ZCCHC7: variants seen among roughly 807,000 people sequenced by gnomAD.
The protein encoded by ZCCHC7 is zinc finger CCHC domain-containing protein 7.
Under a neutral mutation model 52.0 loss-of-function variants are expected in ZCCHC7, and 35 were observed. The observed-to-expected ratio is 0.67, with a 90% CI of 0.51 to 0.89. ZCCHC7 has a LOEUF of 0.89. Ranked by LOEUF, ZCCHC7 falls within the 40% of genes least tolerant of loss-of-function variation. The pLI, the probability that ZCCHC7 is intolerant of heterozygous loss-of-function variation, is 0.00. For missense variants in ZCCHC7, 574 were observed against 649.1 expected, an observed-to-expected ratio of 0.88 and a Z score of 1.26; for synonymous variants, 217 against 221.5, an observed-to-expected ratio of 0.98 and a Z score of 0.18.
chr9:37,355,504 C>G (rs1821641477), intron 8 of ZCCHC7, among the ~76,000 whole-genome samples: 1 of 152,112 alleles, frequency 6.6e-6, no homozygotes, highest in Non-Finnish European at 1.5e-5. Context: ...ATTCTTAGTT[C>G]AGGACCTTTC....
intron 2 of ZCCHC7, among the ~76,000 whole-genome samples, chr9:37,275,470 C>T (rs1827641477): frequency 6.6e-6 from 1 of 151,906 alleles, no homozygotes; most frequent in Admixed American, 6.5e-5. Flanking sequence ...TGTGACTATA[C>T]CAGAGTTTAT....
chr9:37,126,710 T>C lies in ZCCHC7; in HGVS notation c.378T>C (p.Asn126=), dbSNP rs1314079718. 1 of 1,614,144 alleles carries C rather than the reference T, an allele frequency of 6.2e-7. No homozygotes were observed. Among genetic ancestry groups the C allele is most frequent in the Admixed American group, 1.7e-5 (1 of 60,026 alleles). ...GTCTTTCTTCTTCTCTTCAATCTAA[T>C]GAGCTGGTTGATAAGAAATGCAAGA... is the stretch of plus-strand genomic sequence containing the variant. ...AHGLSSSLQS[N]ELVDKKCKSD... is the part of the protein sequence containing the mutation. Residue 126 remains asparagine, a synonymous_variant, in exon 2 of 9, where the codon AAT becomes AAC. Transcript: ENST00000336755.
At chr9:37,280,744 C>G (rs907856650) in intron 2 of ZCCHC7, among the ~76,000 whole-genome samples, 1 of 151,870 alleles carries the variant, frequency 6.6e-6, no homozygotes, top group African/African-American at 2.4e-5. Flanking sequence ...GATTTTCTCT[C>G]TGTCTCTCTC....
chr9:37,123,646 T>C (rs1235943335), intron 1 of ZCCHC7, among the ~76,000 whole-genome samples: 1 of 152,234 alleles, frequency 6.6e-6, no homozygotes, highest in Admixed American at 6.5e-5. Flanking sequence ...TTTGGCTTTT[T>C]AATTTTTTCT....
rs1829260404 is a variant in ZCCHC7 at position 37,305,561 on chromosome 9, C to T, written c.798C>T (p.Phe266=). The change falls in exon 5 of 9, where the codon TTC becomes TTT. Residue 266 remains phenylalanine, a synonymous_variant. Transcript: ENST00000336755. ...CPLPRKVRRC[F]LCSRRGHLLY... is the part of the protein sequence containing the mutation. ...CCACATAGAAAGTTCGTCGCTGCTT[C>T]CTGTGCTCCAGGAGAGGACATCTCC... 1.2e-6 allele frequency: 2 copies of T among 1,613,934 alleles called. No individual in the cohort carries two copies. Among genetic ancestry groups the T allele is most frequent in the East Asian group, 4.5e-5 (2 of 44,880 alleles).
intron 2 of ZCCHC7, among the ~76,000 whole-genome samples, chr9:37,237,936 C>A (rs1042812900): frequency 4.6e-5 from 7 of 151,826 alleles, no homozygotes; most frequent in African/African-American, 1.7e-4. Context: ...TGGTGGTGGG[C>A]AAAACTCATT....
chr9:37,132,117 G>A (rs994649117), intron 2 of ZCCHC7, among the ~76,000 whole-genome samples: 2 of 151,886 alleles, frequency 1.3e-5, no homozygotes, highest in Non-Finnish European at 1.5e-5. Flanking sequence ...CAGCAGGAGT[G>A]ACTTGTAATT....
intron 2 of ZCCHC7, among the ~76,000 whole-genome samples, chr9:37,278,046 G>A (rs2133550762): frequency 1.3e-5 from 2 of 150,504 alleles, no homozygotes; most frequent in South Asian, 2.1e-4. Context: ...GTTTTGTTTT[G>A]TTTTGTTTTG....
chr9:37,170,507 T>A (rs1371520475), intron 2 of ZCCHC7, among the ~76,000 whole-genome samples: 1 of 152,180 alleles, frequency 6.6e-6, no homozygotes, highest in East Asian at 1.9e-4. Context: ...CAAAATTGTC[T>A]GTTTGTTTGG....
At chr9:37,175,632 G>C (rs1420768507) in intron 2 of ZCCHC7, among the ~76,000 whole-genome samples, 1 of 152,178 alleles carries the variant, frequency 6.6e-6, no homozygotes, top group East Asian at 1.9e-4. Flanking sequence ...ATCTACTCAA[G>C]GAGGCTGAGG....
intron 2 of ZCCHC7, among the ~76,000 whole-genome samples, chr9:37,145,859 A>G (rs1027328203): frequency 2.0e-5 from 3 of 151,952 alleles, no homozygotes. Flanking sequence ...GATCTGTTAA[A>G]AGCAAGGAAT....
At chr9:37,218,020 T>A (rs906403781) in intron 2 of ZCCHC7, among the ~76,000 whole-genome samples, 4 of 152,352 alleles carry the variant, frequency 2.6e-5, no homozygotes, top group South Asian at 4.1e-4. Context: ...CATCTTCTAG[T>A]TCTTTTTGCT....
At chr9:37,181,946 A>G (rs968376654) in intron 2 of ZCCHC7, among the ~76,000 whole-genome samples, 1 of 152,190 alleles carries the variant, frequency 6.6e-6, no homozygotes, top group African/African-American at 2.4e-5. Context: ...CAGCTTCCCA[A>G]AGTGCTGGGA....
chr9:37,286,630 A>G (rs1030547118), intron 2 of ZCCHC7, among the ~76,000 whole-genome samples: 1 of 151,776 alleles, frequency 6.6e-6, no homozygotes, highest in African/African-American at 2.4e-5. Context: ...GCCTAGGCAA[A>G]TGAGTGAGAC....
chr9:37,338,773 G>A (rs1339454092), intron 6 of ZCCHC7, among the ~76,000 whole-genome samples: 1 of 151,872 alleles, frequency 6.6e-6, no homozygotes, highest in Non-Finnish European at 1.5e-5. Context: ...ACTTCATGTA[G>A]TTGTTTTTTG....
intron 2 of ZCCHC7, chr9:37,186,751 A>G: frequency 1.7e-6 from 1 of 571,600 alleles, no homozygotes; most frequent in Non-Finnish European, 3.3e-6. Flanking sequence ...AGATGAATTA[A>G]AGATGGAATG....
At chr9:37,129,832 T>C (rs1185559037) in intron 2 of ZCCHC7, among the ~76,000 whole-genome samples, 1 of 152,250 alleles carries the variant, frequency 6.6e-6, no homozygotes, top group African/African-American at 2.4e-5. Flanking sequence ...TCTTGGCACA[T>C]ACATTACCTG....
intron 2 of ZCCHC7, among the ~76,000 whole-genome samples, chr9:37,264,183 A>T (rs79671050): frequency 0.012 from 1,778 of 152,292 alleles, 34 homozygotes; most frequent in African/African-American, 0.041. Flanking sequence ...TATAATGTGG[A>T]GGTAATATTC....
rs1289441434 is a variant in ZCCHC7 at position 37,354,761 on chromosome 9, T to G, written c.1135T>G (p.Cys379Gly). The change falls in exon 8 of 9, where the codon TGC (cysteine) becomes GGC (glycine). Residue 379 changes from cysteine (C) to glycine (G), a missense_variant. Physicochemically the swap from Cys to Gly is radical, Grantham distance 159. Transcript: ENST00000336755. This position sits in a 1 kb window ranked among gnomAD's most constrained non-coding sequence, Gnocchi z 4.0. ...CCCGTCTCCAGTATCTCCATTCATC[T>G]GCTACTATGATGACAAATATGAAAT... The part of the protein sequence containing the change: ...YDPSPVSPFI[C>G]YYDDKYEIQE... 1 of 1,613,528 alleles carries G rather than the reference T, an allele frequency of 6.2e-7. No homozygotes were observed. The highest frequency in any genetic ancestry group is 8.5e-7 in the Non-Finnish European group (1 of 1,179,566).
Sources: allele counts gnomAD v4.1 joint callset (sites outside exome capture counted in the v4.1 genomes callset), GRCh38; gene constraint gnomAD v4.1.1; non-coding constraint Gnocchi (gnomAD v3.1); transcripts MANE v1.5; gene names NCBI Gene and HGNC (gene_info 2026-07-23, HGNC 2026-07-21).